The following TMEM258 variants were observed in gnomAD, a reference collection of about 807,000 sequenced individuals.
TMEM258 encodes transmembrane protein 258.
A neutral mutation model predicts 9.9 loss-of-function variants in TMEM258; 11 were observed. The observed-to-expected ratio is 1.11, with a 90% CI of 0.70 to 1.85. The LOEUF (loss-of-function observed/expected upper bound fraction) is 1.85, where lower values mean the gene tolerates loss of function less well. TMEM258 is among the 40% of genes most tolerant of loss of function. The pLI is 0.00. For missense variants in TMEM258, 81 were observed against 99.7 expected (o/e 0.81, Z 0.80); for synonymous variants, 40 against 39.1 (o/e 1.02, Z -0.09).
chr11:61,790,492 C>T lies in TMEM258; in HGVS notation c.113+1G>A, dbSNP rs111823896. ...CCTCTGGCTGCTCAGTGAAAGGATA[C>T]ACGAAGAACCAGGCGGTGAAGAACA... On this transcript the variant is annotated splice_donor_variant, in intron 2 of 3. Transcript: ENST00000537328. LOFTEE classifies it high-confidence loss of function. 1.4e-5 allele frequency: 22 copies of T among 1,613,130 alleles called. No individual in the cohort carries two copies. In the East Asian group the frequency reaches 4.7e-4, roughly 34 times the overall value.
intron 1 of TMEM258, chr11:61,791,645 T>G (rs1220863733): frequency 6.6e-6 from 1 of 152,200 alleles, no homozygotes; most frequent in Non-Finnish European, 1.5e-5. Context: ...CAAGTTCTGG[T>G]TCTGAGTAAT....
At chr11:61,789,961 T>C (rs1370489048) in intron 2 of TMEM258, 40 bp from the exon 3 acceptor site, 2 of 1,598,460 alleles carry the variant, frequency 1.3e-6, no homozygotes, top group Admixed American at 3.4e-5. Context: ...GGGTGGACTG[T>C]GGAGTGCAGA....
chr11:61,792,342 C>T, intron 1 of TMEM258: 1 of 598,852 alleles, frequency 1.7e-6, no homozygotes, highest in African/African-American at 1.9e-5. Context: ...ATTCAAAATT[C>T]GCCCCACGCC....
At chr11:61,789,685 T>G in intron 3 of TMEM258, 100 bp downstream of exon 3, 1 of 1,372,342 alleles carries the variant, frequency 7.3e-7, no homozygotes. Context: ...CAAGGGGTCA[T>G]GCTGGTAAGA....
chr11:61,792,533 G>A (rs2066793052), intron 1 of TMEM258, 23 bp downstream of exon 1: 3 of 1,613,962 alleles, frequency 1.9e-6, no homozygotes, highest in Non-Finnish European at 2.5e-6. Context: ...ATCTCCGTCT[G>A]GAACTCCCCT....
At chr11:61,790,377 T>C in intron 2 of TMEM258, 116 bp downstream of exon 2, 3 of 926,418 alleles carry the variant, frequency 3.2e-6, no homozygotes, top group Non-Finnish European at 5.1e-6. Context: ...CTCCTTACCT[T>C]CTCTCAGCCC....
chr11:61,789,981 C>T (rs1239716553), intron 2 of TMEM258, 60 bp from the exon 3 acceptor site: 6 of 1,560,516 alleles, frequency 3.8e-6, no homozygotes, highest in Non-Finnish European at 5.2e-6. Flanking sequence ...AGAGCCCAGC[C>T]CACGGCAATC....
chr11:61,790,695 G>C, intron 1 of TMEM258, 93 bp from the exon 2 acceptor site: 1 of 1,083,840 alleles, frequency 9.2e-7, no homozygotes, highest in Non-Finnish European at 1.3e-6. Flanking sequence ...GTGCTGCCGT[G>C]AAACAGAGGC....
chr11:61,792,497 T>G, intron 1 of TMEM258, 59 bp downstream of exon 1: 1 of 1,612,632 alleles, frequency 6.2e-7, no homozygotes, highest in African/African-American at 1.3e-5. Context: ...AAGCGCGGTG[T>G]GGGTCAGACC....
At chr11:61,790,149 C>T (rs2135926123) in intron 2 of TMEM258, 1 of 593,092 alleles carries the variant, frequency 1.7e-6, no homozygotes, top group Admixed American at 3.2e-5. Context: ...GGTCACACAG[C>T]TCATGAGGGC....
At chr11:61,792,218 C>T (rs1488208797) in intron 1 of TMEM258, 4 of 373,970 alleles carry the variant, frequency 1.1e-5, no homozygotes, top group Non-Finnish European at 2.0e-5. Flanking sequence ...GTTGGAAGTG[C>T]TTCACCAATA....
intron 1 of TMEM258, chr11:61,792,300 C>T (rs557816108): frequency 4.7e-5 from 26 of 549,772 alleles, no homozygotes; most frequent in South Asian, 1.3e-4. Context: ...GATAACACAC[C>T]ACCGATAACA....
intron 1 of TMEM258, 93 bp downstream of exon 1, chr11:61,792,463 T>G: frequency 6.4e-7 from 1 of 1,570,718 alleles, no homozygotes; most frequent in Non-Finnish European, 8.8e-7. Flanking sequence ...TCTAGCCCTC[T>G]GGATCTCCGG....
intron 3 of TMEM258, 94 bp from the exon 4 acceptor site, chr11:61,789,329 A>T (rs1182861515): frequency 6.4e-6 from 1 of 155,382 alleles, no homozygotes; most frequent in East Asian, 1.8e-4. Context: ...AGGGCTATTG[A>T]GCACACACCT....
At chr11:61,792,443 T>C (rs1355305303) in intron 1 of TMEM258, 113 bp downstream of exon 1, 3 of 1,491,396 alleles carry the variant, frequency 2.0e-6, no homozygotes, top group Non-Finnish European at 2.8e-6. Flanking sequence ...AGCCGGAGGT[T>C]CCAGGAGCGT....
chr11:61,789,782 T>C lies in TMEM258; in HGVS notation c.*10+3A>G. On this transcript the variant is annotated splice_donor_region_variant and intron_variant, in intron 3 of 3. Coordinates refer to ENST00000537328, the MANE Select transcript of TMEM258 (RefSeq NM_014206.4). Reference sequence around the variant, plus strand: ...CACGCATCCATCCCATTGCAGCTCTTACCCTTGGGTGCTCACACGTAGATG... The same window carrying C: ...CACGCATCCATCCCATTGCAGCTCTCACCCTTGGGTGCTCACACGTAGATG... 6.2e-7 allele frequency: 1 copy of C among 1,608,234 alleles called. No homozygotes were observed. The highest frequency in any genetic ancestry group is 8.5e-7 in the Non-Finnish European group (1 of 1,177,318).
At chr11:61,789,623 G>A in intron 3 of TMEM258, 162 bp downstream of exon 3, 1 of 797,394 alleles carries the variant, frequency 1.3e-6, no homozygotes. Context: ...CAGGGAAAGA[G>A]GCACAAATGT....
At chr11:61,791,204 C>A (rs909780883) in intron 1 of TMEM258, among the ~76,000 whole-genome samples, 1 of 151,894 alleles carries the variant, frequency 6.6e-6, no homozygotes. Flanking sequence ...GATCTGCCTG[C>A]CTCGGCCTCC....
Position 61,790,573 on chromosome 11 carries a change from G to T in TMEM258, c.33C>A (p.Ser11Arg). MELEAMSRYT[S>R]PVNPAVFPHL... ...GGGGGAAGACAGCTGGGTTCACTGG[G>T]CTGGTATATCTGCTCATGGCCTCGA... Residue 11 changes from serine (S) to arginine (R), a missense_variant, in exon 2 of 4, where the codon AGC becomes AGA. Physicochemically the swap from Ser to Arg is moderately radical, Grantham distance 110. Coordinates refer to ENST00000537328, the MANE Select transcript of TMEM258 (RefSeq NM_014206.4). The T allele has an allele frequency of 3.1e-6, 5 of 1,614,102 alleles. No individual in the cohort carries two copies. In the South Asian group the frequency reaches 5.5e-5, roughly 18 times the overall value.
Sources: allele counts gnomAD v4.1 joint callset (sites outside exome capture counted in the v4.1 genomes callset), GRCh38; gene constraint gnomAD v4.1.1; transcripts MANE v1.5; gene names NCBI Gene and HGNC (gene_info 2026-07-23, HGNC 2026-07-21).